Variants in SCRIB observed in about 807,000 individuals in gnomAD.
SCRIB encodes scribble planar cell polarity protein.
In SCRIB, 72 loss-of-function variants were observed where a neutral mutation model predicts 170.0. That is an observed-to-expected ratio of 0.42 (90% CI 0.35 to 0.52). The LOEUF (loss-of-function observed/expected upper bound fraction) is 0.52. Ranked by LOEUF, SCRIB falls within the 20% of genes least tolerant of loss-of-function variation. SCRIB has a pLI of 0.02. For missense variants in SCRIB, 2,475 were observed against 2,338.5 expected, an observed-to-expected ratio of 1.06 and a Z score of -1.20; for synonymous variants, 1,298 against 1,044.3, an observed-to-expected ratio of 1.24 and a Z score of -4.68.
intron 24 of SCRIB, among the ~76,000 whole-genome samples, chr8:143,798,084 G>A (rs571335651): frequency 4.9e-4 from 75 of 152,256 alleles, no homozygotes; most frequent in African/African-American, 1.7e-3. Flanking sequence ...TTGGAACCAC[G>A]TGAAGATTTA....
In SCRIB at chr8:143,792,837, C is replaced by G; in HGVS notation, c.4048G>C (p.Glu1350Gln). ...TGCCGCTCCCGGAAGGACAGCTGCT[C>G]CGGGGAGGCTGCAGGCCCAGGCGTG... is the stretch of plus-strand genomic sequence containing the variant. ...PPTPGPAASPEQLSFRERQKY... is the reference protein window; with the variant it reads ...PPTPGPAASPQQLSFRERQKY... Residue 1350 changes from glutamate (E) to glutamine (Q), a missense_variant, in exon 30 of 37, where the codon GAG becomes CAG. Coordinates refer to ENST00000356994, the MANE Select transcript of SCRIB (RefSeq NM_182706.5). The G allele has an allele frequency of 6.5e-7, 1 of 1,536,452 alleles. No homozygotes were observed. Among genetic ancestry groups the G allele is most frequent in the South Asian group, 1.2e-5 (1 of 80,374 alleles).
rs201775598 is a variant in SCRIB, at chr8:143,810,652, C to T, written c.1404+34G>A. 262 of 1,603,180 alleles carry T rather than the reference C, an allele frequency of 1.6e-4. 1 individual carries two copies. In the Middle Eastern group the frequency reaches 2.5e-3, roughly 15 times the overall value. ...CAGCAGCCACAGGGCAGGGGTCAGG[C>T]AGAGGTTCGCCCCCCAGATCCTCAC... On this transcript the variant is annotated intron_variant, in intron 12 of 36. Coordinates refer to ENST00000356994, the MANE Select transcript of SCRIB (RefSeq NM_182706.5).
At chr8:143,795,157 C>T (rs1554633832) in intron 26 of SCRIB, 45 bp from the exon 27 acceptor site, 1 of 1,601,528 alleles carries the variant, frequency 6.2e-7, no homozygotes, top group Non-Finnish European at 8.5e-7. Flanking sequence ...AGCTCCGTGG[C>T]AGCACCCGGC....
Position 143,808,758 on chromosome 8 carries a change from G to A in SCRIB, c.1966C>T (p.Arg656Trp), listed in dbSNP as rs779353810. 6.4e-5 allele frequency: 103 copies of A among 1,607,586 alleles called. No individual in the cohort carries two copies. Among genetic ancestry groups the A allele is most frequent in the Non-Finnish European group, 8.3e-5 (98 of 1,176,698 alleles). The change falls in exon 15 of 37, where the codon CGG (arginine) becomes TGG (tryptophan). Residue 656 changes from arginine to tryptophan, a missense_variant. Coordinates refer to ENST00000356994, the MANE Select transcript of SCRIB (RefSeq NM_182706.5). ...HNGPHAPWAP[R>W]AQKEEEEEEE... ...TCCTCCTCCTCCTCCTTCTGGGCCCGAGGAGCCCAGGGTGCGTGGGGGCCA... is the reference window on the plus strand; with the variant it reads ...TCCTCCTCCTCCTCCTTCTGGGCCCAAGGAGCCCAGGGTGCGTGGGGGCCA...
chr8:143,800,767 T>G (rs1418034993), intron 24 of SCRIB, among the ~76,000 whole-genome samples: 6 of 152,206 alleles, frequency 3.9e-5, no homozygotes, highest in African/African-American at 1.4e-4. Flanking sequence ...TCCCAGCTAC[T>G]CGGGAGGCTG....
In SCRIB at chr8:143,792,023, G is replaced by A. The variant is rs1314061252; in HGVS notation, c.4625C>T (p.Pro1542Leu). 3 of 1,560,204 alleles carry A rather than the reference G, an allele frequency of 1.9e-6. No homozygotes were observed. The highest frequency in any genetic ancestry group is 2.6e-6 in the Non-Finnish European group (3 of 1,156,366). The part of the protein sequence containing the change: ...PLERLAEAPS[P>L]APTPSPTPVE... ...AGGGGTGGGCGACGGGGTGGGCGCA[G>A]GGGAAGGGGCCTCGGCCAGTCGCTC... Residue 1542 changes from proline (P) to leucine (L), a missense_variant, in exon 33 of 37, where the codon CCT becomes CTT. Pro to Leu is a moderately conservative substitution (Grantham distance 98). This residue lies in a region of SCRIB where 1,966 missense variants were observed against 1,742.9 expected (regional missense o/e 1.13). Coordinates refer to ENST00000356994, the MANE Select transcript of SCRIB (RefSeq NM_182706.5).
At chr8:143,811,396 AAGG>A (rs1182155948) in intron 9 of SCRIB, 51 bp from the exon 10 acceptor site, 3 of 1,544,462 alleles carry the variant, frequency 1.9e-6, no homozygotes, top group Admixed American at 1.8e-5. Flanking sequence ...TGGGGGTGGG[AAGG>A]AGATGACAGC....
At chr8:143,797,652 C>T (rs570549855) in intron 24 of SCRIB, among the ~76,000 whole-genome samples, 26 of 152,342 alleles carry the variant, frequency 1.7e-4, no homozygotes, top group Admixed American at 1.3e-4. Flanking sequence ...ATGATAATCC[C>T]GGCCAAGATG....
At chr8:143,797,834 C>T (rs561135603) in intron 24 of SCRIB, among the ~76,000 whole-genome samples, 116 of 152,372 alleles carry the variant, frequency 7.6e-4, no homozygotes, top group African/African-American at 2.2e-3. Flanking sequence ...GATCGGGCCG[C>T]GCCCTTCCAC....
At chr8:143,796,012 C>G (rs782068776) in intron 24 of SCRIB, among the ~76,000 whole-genome samples, 14 of 152,184 alleles carry the variant, frequency 9.2e-5, no homozygotes, top group Non-Finnish European at 1.9e-4. Flanking sequence ...GCCCGGCCAG[C>G]TCTGCACTCC....
chr8:143,807,473 C>T (rs782665991), intron 16 of SCRIB, 79 bp downstream of exon 16: 15 of 1,127,942 alleles, frequency 1.3e-5, no homozygotes, highest in East Asian at 9.4e-5. Flanking sequence ...GCAACAGGGG[C>T]GGGGAGAGGC....
chr8:143,792,017 G>C lies in SCRIB; in HGVS notation c.4631C>G (p.Pro1544Arg). ...ERLAEAPSPA[P>R]TPSPTPVEDL... ...TTCCACAGGGGTGGGCGACGGGGTG[G>C]GCGCAGGGGAAGGGGCCTCGGCCAG... Residue 1544 changes from proline to arginine, a missense_variant, in exon 33 of 37, where the codon CCC becomes CGC. By Grantham distance (103) the Pro-to-Arg change is moderately radical. This residue lies in a region of SCRIB where 1,966 missense variants were observed against 1,742.9 expected (regional missense o/e 1.13). Coordinates refer to ENST00000356994, the MANE Select transcript of SCRIB (RefSeq NM_182706.5). 1 of 1,548,344 alleles carries C rather than the reference G, an allele frequency of 6.5e-7. No individual in the cohort carries two copies. The highest frequency in any genetic ancestry group is 8.7e-7 in the Non-Finnish European group (1 of 1,149,976).
Position 143,805,184 on chromosome 8 carries a change from T to C in SCRIB, c.2598A>G (p.Ala866=), listed in dbSNP as rs1554636184. Residue 866 remains alanine, a synonymous_variant, in exon 19 of 37, where the codon GCA becomes GCG. Coordinates refer to ENST00000356994, the MANE Select transcript of SCRIB (RefSeq NM_182706.5). ...TGAAGCCCAGCCCCCTCTCGCTGCG[T>C]GCCAGGCAGGCCACGTGGCGCTGAC... The part of the protein sequence containing the change: ...PLRQRHVACL[A]RSERGLGFSI... 6.3e-7 allele frequency: 1 copy of C among 1,577,194 alleles called. No homozygotes were observed. Among genetic ancestry groups the C allele is most frequent in the East Asian group, 2.3e-5 (1 of 44,290 alleles).
intron 1 of SCRIB, chr8:143,814,833 C>T (rs1306256284): frequency 8.4e-6 from 2 of 239,360 alleles, no homozygotes; most frequent in Non-Finnish European, 1.6e-5. Flanking sequence ...CCCACTCACC[C>T]CTGCACCCAG....
At chr8:143,808,327 T>C (rs576528900) in intron 15 of SCRIB, among the ~76,000 whole-genome samples, 3 of 148,904 alleles carry the variant, frequency 2.0e-5, no homozygotes, top group Non-Finnish European at 4.5e-5. Context: ...GGTCCAAGCA[T>C]GGACTGAGAC....
rs1017403139 is a variant in SCRIB, at chr8:143,808,894, G to A, written c.1830C>T (p.Tyr610=). 1.2e-6 allele frequency: 2 copies of A among 1,610,052 alleles called. No homozygotes were observed. The highest frequency in any genetic ancestry group is 2.2e-5 in the East Asian group (1 of 44,886). ...QRLIRKDTPH[Y]KKHFKISKLP... ...GCTTGGAGATCTTGAAGTGCTTTTT[G>A]TAGTGAGGTGTGTCCTTGCGGATGA... is the stretch of plus-strand genomic sequence containing the variant. Residue 610 remains tyrosine (Y), a synonymous_variant, in exon 15 of 37, where the codon TAC becomes TAT. Transcript: ENST00000356994.
At chr8:143,800,197 G>C (rs1435949352) in intron 24 of SCRIB, among the ~76,000 whole-genome samples, 2 of 152,152 alleles carry the variant, frequency 1.3e-5, no homozygotes, top group African/African-American at 4.8e-5. Flanking sequence ...CAAGCCCCAA[G>C]CCCGCTGATG....
rs1554635456 is a variant in SCRIB, at chr8:143,803,515, C to T, written c.3471G>A (p.Leu1157=). Residue 1157 remains leucine (L), a synonymous_variant, in exon 24 of 37, where the codon CTG becomes CTA. Transcript: ENST00000356994. The part of the protein sequence containing the change: ...RDGRLRVGLR[L]LEVNQQSLLG... ...GCAGGCTCTGCTGGTTCACCTCCAA[C>T]AGCCGCAAACCCACACGCAGCCGAC... 3.1e-6 allele frequency: 5 copies of T among 1,604,140 alleles called. No individual in the cohort carries two copies. Among genetic ancestry groups the T allele is most frequent in the South Asian group, 1.1e-5 (1 of 90,976 alleles).
chr8:143,792,715 C>T lies in SCRIB; in HGVS notation c.4170G>A (p.Glu1390=). ...VGADDLRKMQ[E]EEARKLQQKR... ...CACTTCCGTGCCCCTCACCTTCCTC[C>T]TCCTGCATCTTCCGCAGGTCGTCAG... Residue 1390 remains glutamate (E), a synonymous_variant, in exon 30 of 37, where the codon GAG becomes GAA. Coordinates refer to ENST00000356994, the MANE Select transcript of SCRIB (RefSeq NM_182706.5). 6.3e-7 allele frequency: 1 copy of T among 1,588,636 alleles called. No homozygotes were observed. The highest frequency in any genetic ancestry group is 8.5e-7 in the Non-Finnish European group (1 of 1,172,908).
Sources: gnomAD v4.1 joint callset for allele counts (sites outside exome capture counted in the v4.1 genomes callset) on GRCh38, gnomAD v4.1.1 for gene constraint, gnomAD v4.1.1 regional missense constraint, MANE v1.5 for transcripts, NCBI Gene and HGNC (gene_info 2026-07-23, HGNC 2026-07-21) for gene names.